PLEKHA2: variants seen among roughly 807,000 people sequenced by gnomAD.
PLEKHA2 encodes the protein pleckstrin homology domain containing A2, also known as pleckstrin homology domain-containing family A member 2.
In PLEKHA2, 28 loss-of-function variants were observed where a neutral mutation model predicts 53.2. That is an observed-to-expected ratio of 0.53 (90% CI 0.39 to 0.72). The LOEUF (loss-of-function observed/expected upper bound fraction) is 0.72. PLEKHA2 is among the 30% of genes least tolerant of loss of function. The pLI, the probability that PLEKHA2 is intolerant of heterozygous loss-of-function variation, is 0.00. For synonymous variants in PLEKHA2, 193 were observed against 196.4 expected (o/e 0.98, Z 0.14); for missense variants, 426 against 537.9 (o/e 0.79, Z 2.06).
chr8:38,946,686 T>G (rs1447031685), intron 5 of PLEKHA2, among the ~76,000 whole-genome samples: 1 of 152,236 alleles, frequency 6.6e-6, no homozygotes, highest in Non-Finnish European at 1.5e-5. Flanking sequence ...AAAAGCCTTC[T>G]GTTTAAAAGC....
chr8:38,961,845 T>A (rs374740377), intron 10 of PLEKHA2, among the ~76,000 whole-genome samples: 1 of 152,152 alleles, frequency 6.6e-6, no homozygotes, highest in Non-Finnish European at 1.5e-5. Flanking sequence ...AACTCAGATG[T>A]CATATTTACG....
rs1834859221 is a variant in PLEKHA2 at position 38,952,272 on chromosome 8, C to T, written c.593C>T (p.Pro198Leu). The change falls in exon 7 of 12, where the codon CCC becomes CTC. Residue 198 changes from proline (P) to leucine (L), a missense_variant. Transcript: ENST00000617275. ...TSGCRASTGPPLIKSGYCVKQ... is the reference protein window; with the variant it reads ...TSGCRASTGPLLIKSGYCVKQ... ...GGCTGCCGTGCTTCCACTGGGCCTC[C>T]CCTCATTAAGAGTGGTTACTGCGTG... 2 of 1,612,690 alleles carry T rather than the reference C, an allele frequency of 1.2e-6. No individual in the cohort carries two copies. Among genetic ancestry groups the T allele is most frequent in the South Asian group, 1.1e-5 (1 of 90,608 alleles).
chr8:38,920,288 C>A lies in PLEKHA2; in HGVS notation c.141+2218C>A, dbSNP rs375494000. Among the ~76,000 whole-genome samples the A allele has an allele frequency of 5.3e-5, 8 of 151,988 alleles. No homozygotes were observed. The South Asian group carries it at 1.0e-3, about 20-fold the overall frequency. ...GCCTCAGCCTCCCGAGTAGTTGGGA[C>A]TACAGGCACCCGCCACCACGCCCAG... On this transcript the variant is annotated intron_variant, in intron 2 of 11. Coordinates refer to ENST00000617275, the MANE Select transcript of PLEKHA2 (RefSeq NM_021623.2).
chr8:38,948,030 G>C (rs1564140715), intron 5 of PLEKHA2, among the ~76,000 whole-genome samples: 1 of 148,676 alleles, frequency 6.7e-6, no homozygotes, highest in Admixed American at 6.8e-5. Flanking sequence ...AGATTGCAGT[G>C]AGCCGAGATC....
intron 2 of PLEKHA2, among the ~76,000 whole-genome samples, chr8:38,929,615 G>A (rs893719659): frequency 4.6e-5 from 7 of 152,232 alleles, no homozygotes; most frequent in Non-Finnish European, 7.3e-5. Context: ...AAATGGGATT[G>A]TTAGGATTAG....
At chr8:38,927,890 G>A (rs1201509885) in intron 2 of PLEKHA2, among the ~76,000 whole-genome samples, 1 of 152,088 alleles carries the variant, frequency 6.6e-6, no homozygotes, top group East Asian at 1.9e-4. Flanking sequence ...AGCTGGAGAT[G>A]ACGGCTGGGG....
chr8:38,943,876 ACATGGCAACTTCCT>A, intron 4 of PLEKHA2, 39 bp downstream of exon 4: 1 of 1,505,712 alleles, frequency 6.6e-7, no homozygotes, highest in Non-Finnish European at 9.0e-7. Flanking sequence ...TTTAATATTG[ACATGGCAACTTCCT>A]CTTTTGCATG....
At chr8:38,926,482 A>G (rs1834291568) in intron 2 of PLEKHA2, among the ~76,000 whole-genome samples, 1 of 151,986 alleles carries the variant, frequency 6.6e-6, no homozygotes, top group Non-Finnish European at 1.5e-5. Flanking sequence ...GGGCCTGGTC[A>G]AAACATGCTT....
At chr8:38,967,636 T>C (rs1458663200) in intron 10 of PLEKHA2, among the ~76,000 whole-genome samples, 1 of 152,184 alleles carries the variant, frequency 6.6e-6, no homozygotes, top group East Asian at 1.9e-4. Flanking sequence ...TATGTCTTGT[T>C]TTGAAAACTA....
intron 2 of PLEKHA2, among the ~76,000 whole-genome samples, chr8:38,927,452 G>C (rs562780835): frequency 6.6e-6 from 1 of 152,336 alleles, no homozygotes; most frequent in African/African-American, 2.4e-5. Context: ...GCTGCAGTGA[G>C]CTGTGATCAG....
At chr8:38,940,645 A>AGGGGC (rs1474639646) in intron 3 of PLEKHA2, among the ~76,000 whole-genome samples, 9 of 14,658 alleles carry the variant, frequency 6.1e-4, no homozygotes, top group African/African-American at 2.9e-3. Flanking sequence ...TCCAGATTGA[A>AGGGGC]GGGGCGGGGG....
intron 2 of PLEKHA2, among the ~76,000 whole-genome samples, chr8:38,925,032 A>G (rs545819705): frequency 6.6e-6 from 1 of 150,396 alleles, no homozygotes; most frequent in Non-Finnish European, 1.5e-5. Flanking sequence ...AAATTATAGT[A>G]AGGATGTTCA....
At chr8:38,947,731 T>C (rs545591167) in intron 5 of PLEKHA2, among the ~76,000 whole-genome samples, 1 of 152,162 alleles carries the variant, frequency 6.6e-6, no homozygotes, top group South Asian at 2.1e-4. Context: ...TTCTTCGGGA[T>C]TTTGAGAGGA....
intron 2 of PLEKHA2, among the ~76,000 whole-genome samples, chr8:38,931,950 G>A (rs931015932): frequency 3.9e-5 from 6 of 152,024 alleles, no homozygotes; most frequent in Admixed American, 3.3e-4. Flanking sequence ...GTGTTCTGGT[G>A]GGGGGAAGCT....
chr8:38,945,173 C>G (rs939776918), intron 4 of PLEKHA2, among the ~76,000 whole-genome samples: 1 of 152,194 alleles, frequency 6.6e-6, no homozygotes, highest in Non-Finnish European at 1.5e-5. Flanking sequence ...CACAGCTGTG[C>G]TAAGTGCTAT....
intron 2 of PLEKHA2, among the ~76,000 whole-genome samples, chr8:38,921,310 G>A (rs1216369383): frequency 6.6e-6 from 1 of 152,170 alleles, no homozygotes; most frequent in East Asian, 1.9e-4. Context: ...TGATTTACCT[G>A]CTTCACGCCA....
rs60499719 is a variant in PLEKHA2, at chr8:38,933,923, G to A, written c.142-2071G>A. ...AGCTCCTTAGCTTACTGCCTCATTC[G>A]CAAAGGGAAGAACGTGAGTGCAGAG... On this transcript the variant is annotated intron_variant, in intron 2 of 11. Coordinates refer to ENST00000617275, the MANE Select transcript of PLEKHA2 (RefSeq NM_021623.2). 1.2e-3 allele frequency among the ~76,000 whole-genome samples: 186 copies of A among 151,998 alleles called. 2 individuals carry two copies. Among genetic ancestry groups the A allele is most frequent in the African/African-American group, 4.3e-3 (180 of 41,502 alleles).
intron 2 of PLEKHA2, among the ~76,000 whole-genome samples, chr8:38,933,778 T>TAAAAAAAAAAAAAAA (rs774899490): frequency 5.3e-4 from 26 of 48,958 alleles, no homozygotes; most frequent in African/African-American, 7.1e-4. Flanking sequence ...AGAGGTTTCC[T>TAAAAAAAAAAAAAAA]AAAAAAAAAA....
chr8:38,953,371 A>G lies in PLEKHA2; in HGVS notation c.773+4A>G, dbSNP rs374689397. 6.2e-7 allele frequency: 1 copy of G among 1,604,602 alleles called. No individual in the cohort carries two copies. The highest frequency in any genetic ancestry group is 8.5e-7 in the Non-Finnish European group (1 of 1,171,494). On this transcript the variant is annotated splice_donor_region_variant and intron_variant, in intron 9 of 11. Transcript: ENST00000617275. ...ATGAATGTCTGGTCAAGTCTGGGTAATTGTGTCTGCTTTTTCTCTTCTAAT... is the reference window on the plus strand; with the variant it reads ...ATGAATGTCTGGTCAAGTCTGGGTAGTTGTGTCTGCTTTTTCTCTTCTAAT...
Sources: allele counts gnomAD v4.1 joint callset (sites outside exome capture counted in the v4.1 genomes callset), GRCh38; gene constraint gnomAD v4.1.1; transcripts MANE v1.5; gene names NCBI Gene and HGNC (gene_info 2026-07-23, HGNC 2026-07-21).